The following TRIM4 variants were observed in gnomAD, a reference collection of about 807,000 sequenced individuals.
TRIM4 encodes tripartite motif containing 4.
A neutral mutation model predicts 33.7 loss-of-function variants in TRIM4; 29 were observed. The observed-to-expected ratio is 0.86, with a 90% CI of 0.64 to 1.17. The LOEUF (loss-of-function observed/expected upper bound fraction) is 1.17, where lower values mean the gene tolerates loss of function less well. Ranked by LOEUF, TRIM4 falls within the 50% of genes most tolerant of loss-of-function variation. The pLI is 0.00. For missense variants in TRIM4, 554 were observed against 593.7 expected (o/e 0.93, Z 0.69); for synonymous variants, 224 against 233.0 (o/e 0.96, Z 0.35).
rs988753381 is a variant in TRIM4, at chr7:99,908,634, A to C, written c.668T>G (p.Leu223Arg). ...GCTCTTCTCCCCCACCTCTAAGATG[A>C]GCTTCTTCAATGAAGCGATAGTTTG... is the stretch of plus-strand genomic sequence containing the variant. ...LNQTIASLKK[L>R]ILEVGEKSQA... Residue 223 changes from leucine to arginine, a missense_variant, in exon 3 of 6, where the codon CTC (leucine) becomes CGC (arginine). Leu to Arg is a moderately radical substitution (Grantham distance 102). Transcript: ENST00000349062. 46 of 1,614,060 alleles carry C rather than the reference A, an allele frequency of 2.8e-5. No homozygotes were observed. The highest frequency in any genetic ancestry group is 3.8e-5 in the Non-Finnish European group (45 of 1,180,004).
chr7:99,909,130 G>C (rs1447787414), intron 2 of TRIM4, among the ~76,000 whole-genome samples: 1 of 139,504 alleles, frequency 7.2e-6, no homozygotes, highest in African/African-American at 2.8e-5. Context: ...TTAGGAGTGT[G>C]AGGGTGTGTG....
chr7:99,908,290 C>T, intron 3 of TRIM4: 1 of 288,266 alleles, frequency 3.5e-6, no homozygotes, highest in Non-Finnish European at 6.4e-6. Context: ...TATAAATGTA[C>T]ACATAAGATG....
chr7:99,908,609 G>C lies in TRIM4; in HGVS notation c.693C>G (p.Ser231Arg). 6.2e-7 allele frequency: 1 copy of C among 1,613,240 alleles called. No homozygotes were observed. Among genetic ancestry groups the C allele is most frequent in the Non-Finnish European group, 8.5e-7 (1 of 1,179,438 alleles). Residue 231 changes from serine to arginine, a missense_variant, in exon 3 of 6, where the codon AGC (serine) becomes AGG (arginine). This residue lies in a region of TRIM4 where 290 missense variants were observed against 335.8 expected (regional missense o/e 0.86). Transcript: ENST00000349062. ...GAAGCAGCTCCAGGGTGGGAGCCTG[G>C]CTCTTCTCCCCCACCTCTAAGATGA... ...KKLILEVGEK[S>R]QAPTLELLQN... is the part of the protein sequence containing the mutation.
chr7:99,893,169 AG>A (rs1413599082), intron 5 of TRIM4, among the ~76,000 whole-genome samples: 1 of 152,220 alleles, frequency 6.6e-6, no homozygotes, highest in Non-Finnish European at 1.5e-5. Context: ...GGGGAGGCTG[AG>A]GCAGAAGAAT....
At chr7:99,911,916 T>C (rs1165694363) in intron 1 of TRIM4, among the ~76,000 whole-genome samples, 1 of 152,158 alleles carries the variant, frequency 6.6e-6, no homozygotes, top group African/African-American at 2.4e-5. Flanking sequence ...GGATAAATAA[T>C]GGCAAAAACC....
intron 3 of TRIM4, among the ~76,000 whole-genome samples, chr7:99,905,815 G>A (rs543874400): frequency 4.6e-5 from 7 of 152,334 alleles, no homozygotes; most frequent in Admixed American, 3.9e-4. Context: ...AAGCCAGTAC[G>A]AAAGAGTGCG....
intron 3 of TRIM4, among the ~76,000 whole-genome samples, chr7:99,905,821 G>A (rs1310019519): frequency 6.6e-6 from 1 of 152,226 alleles, no homozygotes; most frequent in African/African-American, 2.4e-5. Flanking sequence ...GTACGAAAGA[G>A]TGCGTCCTGA....
Position 99,892,201 on chromosome 7 carries a change from C to T in TRIM4, c.1387G>A (p.Ala463Thr), listed in dbSNP as rs1475899027. 3 of 1,613,280 alleles carry T rather than the reference C, an allele frequency of 1.9e-6. No individual in the cohort carries two copies. The highest frequency in any genetic ancestry group is 2.5e-6 in the Non-Finnish European group (3 of 1,179,776). The change falls in exon 6 of 6, where the codon GCA becomes ACA. Residue 463 changes from alanine to threonine, a missense_variant. Physicochemically the swap from Ala to Thr is moderately conservative, Grantham distance 58. Around this residue, in one of 3 missense-constraint regions of TRIM4, gnomAD observed 290 missense variants for 335.8 expected, o/e 0.86. Transcript: ENST00000349062. ...LRPFFWLSPL[A>T]SLVIPPVTDR... is the part of the protein sequence containing the mutation. ...GTCACTGGTGGAATGACTAAAGATG[C>T]TAATGGACTCAACCAAAAAAATGGC...
intron 3 of TRIM4, among the ~76,000 whole-genome samples, chr7:99,905,988 T>C (rs1487345897): frequency 2.0e-5 from 3 of 151,118 alleles, no homozygotes; most frequent in Admixed American, 6.6e-5. Context: ...CTACCAAAAA[T>C]AGAAAAATTA....
Position 99,892,673 on chromosome 7 carries a change from ATT to A in TRIM4, c.913_914del (p.Asn305TyrfsTer54). ...CTGGCCAAGAACTGGCTGATGCTGT[ATT>A]TTTCACGTATCTCCCTTCCTGGGAG... ...VFSQEGRYVK[N>X]TASASSWPVF... On this transcript the variant is annotated frameshift_variant, in exon 6 of 6. Coordinates refer to ENST00000349062, the MANE Select transcript of TRIM4 (RefSeq NM_033091.3). LOFTEE classifies it low-confidence loss of function (END_TRUNC). The A allele has an allele frequency of 1.2e-6, 2 of 1,614,122 alleles. No homozygotes were observed. Among genetic ancestry groups the A allele is most frequent in the Non-Finnish European group, 1.7e-6 (2 of 1,180,018 alleles).
chr7:99,894,229 C>T (rs1818960591), intron 5 of TRIM4, among the ~76,000 whole-genome samples: 3 of 152,064 alleles, frequency 2.0e-5, no homozygotes, highest in African/African-American at 7.2e-5. Context: ...TCTCTTGTGA[C>T]GTCTTTGTCT....
In TRIM4 at chr7:99,892,661, G is replaced by T; in HGVS notation, c.927C>A (p.Ala309=). ...EGRYVKNTAS[A]SSWPVFSSAW... is the part of the protein sequence containing the mutation. ...CTGAAGAAAACACTGGCCAAGAACT[G>T]GCTGATGCTGTATTTTTCACGTATC... The change falls in exon 6 of 6, where the codon GCC becomes GCA. Residue 309 remains alanine, a synonymous_variant. Transcript: ENST00000349062. The T allele has an allele frequency of 1.2e-6, 2 of 1,614,196 alleles. No homozygotes were observed. The highest frequency in any genetic ancestry group is 1.7e-6 in the Non-Finnish European group (2 of 1,180,048).
chr7:99,892,348 C>G lies in TRIM4; in HGVS notation c.1240G>C (p.Glu414Gln), dbSNP rs1818910628. ...ACCCCCACTCGGTGGAGAGCTGGCT[C>G]TTGCTGGGTGGGAGTTCCAGGGAAG... ...IGFPGTPTQQ[E>Q]PALHRVGVYL... Residue 414 changes from glutamate to glutamine, a missense_variant, in exon 6 of 6, where the codon GAG (glutamate) becomes CAG (glutamine). Transcript: ENST00000349062. 2 of 1,614,132 alleles carry G rather than the reference C, an allele frequency of 1.2e-6. No homozygotes were observed. The highest frequency in any genetic ancestry group is 2.7e-5 in the African/African-American group (2 of 75,032).
intron 1 of TRIM4, among the ~76,000 whole-genome samples, chr7:99,912,479 G>A (rs574053769): frequency 9.4e-5 from 14 of 148,722 alleles, no homozygotes; most frequent in East Asian, 2.0e-4. Flanking sequence ...TCAGTGAGCC[G>A]AGATCACACC....
intron 5 of TRIM4, among the ~76,000 whole-genome samples, chr7:99,900,723 C>A (rs1253730807): frequency 6.6e-6 from 1 of 152,040 alleles, no homozygotes; most frequent in South Asian, 2.1e-4. Flanking sequence ...TTTGCCAGTT[C>A]TAGAACTCTA....
rs1192195563 is a variant in TRIM4 at position 99,919,197 on chromosome 7, T to C, written c.205A>G (p.Arg69Gly). The C allele has an allele frequency of 3.3e-6, 5 of 1,492,938 alleles. No individual in the cohort carries two copies. Among genetic ancestry groups the C allele is most frequent in the Non-Finnish European group, 8.9e-7 (1 of 1,122,696 alleles). 92.5% of individuals were successfully genotyped at this position (1,492,938 alleles called of 1,614,324 possible). A position where few individuals can be genotyped will look rare whatever the true frequency, so the allele number is the denominator to read the frequency against. Residue 69 changes from arginine to glycine, a missense_variant, in exon 1 of 6, where the codon AGG becomes GGG. Arg to Gly is a moderately radical substitution (Grantham distance 125). Coordinates refer to ENST00000349062, the MANE Select transcript of TRIM4 (RefSeq NM_033091.3). ...CGGCGCTGCGTCTTCTCAGTCAGCC[T>C]GGCCAGGGCCCAGTTGGGTCGCAGC... ...AALRPNWALARLTEKTQRRRL... is the reference protein window; with the variant it reads ...AALRPNWALAGLTEKTQRRRL...
At chr7:99,907,100 A>G (rs1320463325) in intron 3 of TRIM4, among the ~76,000 whole-genome samples, 1 of 152,090 alleles carries the variant, frequency 6.6e-6, no homozygotes, top group East Asian at 1.9e-4. Context: ...TCTATGTTCT[A>G]GTTTCATCTG....
At chr7:99,900,689 C>T (rs1819143566) in intron 5 of TRIM4, among the ~76,000 whole-genome samples, 1 of 141,262 alleles carries the variant, frequency 7.1e-6, no homozygotes, top group African/African-American at 2.5e-5. Flanking sequence ...TTATTTATTT[C>T]ACCTTTGTTT....
chr7:99,893,469 G>A (rs554555977), intron 5 of TRIM4, among the ~76,000 whole-genome samples: 18 of 152,150 alleles, frequency 1.2e-4, no homozygotes, highest in African/African-American at 4.3e-4. Context: ...CTCTTTTCAC[G>A]GGTTCCAGTT....
Sources: allele counts gnomAD v4.1 joint callset (sites outside exome capture counted in the v4.1 genomes callset), GRCh38; gene constraint gnomAD v4.1.1; regional missense constraint gnomAD v4.1.1; transcripts MANE v1.5; gene names NCBI Gene and HGNC (gene_info 2026-07-23, HGNC 2026-07-21).